The following RBM17 variants were observed in gnomAD, a reference collection of about 807,000 sequenced individuals.
RBM17 encodes the protein splicing factor 45.
In RBM17, 7 loss-of-function variants were observed where a neutral mutation model predicts 53.2. The ratio of observed to expected loss-of-function variants is 0.13; its 90% CI spans 0.07 to 0.25. RBM17 has a LOEUF of 0.25. Ranked by LOEUF, RBM17 falls within the 10% of genes least tolerant of loss-of-function variation. The pLI is 1.00. For missense variants in RBM17, 257 were observed against 496.7 expected, an observed-to-expected ratio of 0.52 and a Z score of 4.59; for synonymous variants, 167 against 178.1, an observed-to-expected ratio of 0.94 and a Z score of 0.50.
Position 6,112,731 on chromosome 10 carries a change from C to G in RBM17, c.856+370C>G, listed in dbSNP as rs546326155. On this transcript the variant is annotated intron_variant, in intron 8 of 11. Transcript: ENST00000379888. This position sits in a 1 kb window ranked among gnomAD's most constrained non-coding sequence, Gnocchi z 4.4. Reference sequence around the variant, plus strand: ...CCATATAGTGTGGCAGTGAATATACCTGCTATCTCCATCTCAGAGGTCGTC... The same window carrying G: ...CCATATAGTGTGGCAGTGAATATACGTGCTATCTCCATCTCAGAGGTCGTC... 6.8e-6 allele frequency: 2 copies of G among 293,248 alleles called. No individual in the cohort carries two copies. Among genetic ancestry groups the G allele is most frequent in the South Asian group, 3.5e-5 (1 of 28,718 alleles). 18.2% of individuals were successfully genotyped at this position (293,248 alleles called of 1,614,324 possible).
chr10:6,108,612 A>T, intron 5 of RBM17, 74 bp from the exon 6 acceptor site: 1 of 1,201,530 alleles, frequency 8.3e-7, no homozygotes, highest in Non-Finnish European at 1.2e-6. Flanking sequence ...GGTGATAGAT[A>T]TATGGTGTGT....
intron 3 of RBM17, 73 bp downstream of exon 3, chr10:6,101,460 T>C: frequency 1.2e-6 from 1 of 800,302 alleles, no homozygotes; most frequent in East Asian, 2.8e-5. Context: ...TATGAGTTAC[T>C]CTTAACAGAT....
Position 6,089,448 on chromosome 10 carries a change from TTCC to T in RBM17, c.-19+270_-19+272del, listed in dbSNP as rs78296807. 71 of 153,292 alleles carry T rather than the reference TTCC, an allele frequency of 4.6e-4. No individual in the cohort carries two copies. Among genetic ancestry groups the T allele is most frequent in the Admixed American group, 7.2e-4 (11 of 15,268 alleles). 9.5% of individuals were successfully genotyped at this position (153,292 alleles called of 1,614,324 possible). A position where few individuals can be genotyped will look rare whatever the true frequency, so the allele number is the denominator to read the frequency against. ...TGGCCCTGACCTTCTCCCTCTTCCC[TTCC>T]TCCTCCTCCTCCTCATGTCTGCCTC... On this transcript the variant is annotated intron_variant, in intron 1 of 11. Coordinates refer to ENST00000379888, the MANE Select transcript of RBM17 (RefSeq NM_032905.5). This position sits in a 1 kb window ranked among gnomAD's most constrained non-coding sequence, Gnocchi z 5.6.
Position 6,115,615 on chromosome 10 carries a change from A to G in RBM17, c.*59A>G. On this transcript the variant is annotated 3_prime_UTR_variant, in exon 12 of 12. Transcript: ENST00000379888. Reference sequence around the variant, plus strand: ...ATCCTTAAATGAACTGCAGGCTGAGAAAAGAAGGAAAAAGGTCACAGCCTC... The same window carrying G: ...ATCCTTAAATGAACTGCAGGCTGAGGAAAGAAGGAAAAAGGTCACAGCCTC... 9.5e-7 allele frequency: 1 copy of G among 1,056,428 alleles called. No individual in the cohort carries two copies. Among genetic ancestry groups the G allele is most frequent in the South Asian group, 1.3e-5 (1 of 78,810 alleles). The allele number at this position is 1,056,428 out of a possible 1,614,324, so 65.4% of individuals were successfully genotyped here.
rs376494989 is a variant in RBM17, at chr10:6,117,208, T to C, written c.*1652T>C. The stretch of plus-strand genomic sequence containing the variant: ...GAGAGTTGCAACCAACTCATACTAC[T>C]TGATTTCCGTTCGCATGAGGACAGC... On this transcript the variant is annotated 3_prime_UTR_variant, in exon 12 of 12. Coordinates refer to ENST00000379888, the MANE Select transcript of RBM17 (RefSeq NM_032905.5). 4 of 152,288 alleles carry C rather than the reference T, an allele frequency of 2.6e-5. No individual in the cohort carries two copies. The East Asian group carries it at 7.5e-4, about 29-fold the overall frequency. The allele number at this position is 152,288 out of a possible 1,614,324, so 9.4% of individuals were successfully genotyped here.
At chr10:6,111,648 T>C (rs1433545427) in intron 7 of RBM17, among the ~76,000 whole-genome samples, 1 of 152,218 alleles carries the variant, frequency 6.6e-6, no homozygotes, top group Non-Finnish European at 1.5e-5. Flanking sequence ...CCTGTACAAA[T>C]AATTTCTAAT....
In RBM17 at chr10:6,117,333, T is replaced by C. The variant is rs1339872815; in HGVS notation, c.*1777T>C. The C allele has an allele frequency of 6.6e-6, 1 of 152,190 alleles. No individual in the cohort carries two copies. The highest frequency in any genetic ancestry group is 1.5e-5 in the Non-Finnish European group (1 of 68,044). The allele number at this position is 152,190 out of a possible 1,614,324, so 9.4% of individuals were successfully genotyped here. On this transcript the variant is annotated 3_prime_UTR_variant, in exon 12 of 12. Transcript: ENST00000379888. ...GAATTTCTGATAGTCGAATAATTTC[T>C]AAATCTCCTGCAAGTTAGTACTTGA...
chr10:6,109,659 C>G (rs1463572052), intron 6 of RBM17, among the ~76,000 whole-genome samples: 1 of 152,180 alleles, frequency 6.6e-6, no homozygotes, highest in Non-Finnish European at 1.5e-5. Flanking sequence ...CAGATTGTAT[C>G]TCCTTAGAAC....
chr10:6,113,685 G>A lies in RBM17; in HGVS notation c.930+104G>A, dbSNP rs190493807. 1.2e-4 allele frequency: 92 copies of A among 788,144 alleles called. No individual in the cohort carries two copies. In the Admixed American group the frequency reaches 1.5e-3, roughly 13 times the overall value. The allele number at this position is 788,144 out of a possible 1,614,324, so 48.8% of individuals were successfully genotyped here. Reference sequence around the variant, plus strand: ...AGTTAAAACTGAAAATGATACTTTTGCAAATAATACTTTGGGCAGATCCCA... The same window carrying A: ...AGTTAAAACTGAAAATGATACTTTTACAAATAATACTTTGGGCAGATCCCA... On this transcript the variant is annotated intron_variant, in intron 9 of 11. Coordinates refer to ENST00000379888, the MANE Select transcript of RBM17 (RefSeq NM_032905.5).
At chr10:6,111,532 G>A (rs1564569671) in intron 7 of RBM17, among the ~76,000 whole-genome samples, 1 of 152,160 alleles carries the variant, frequency 6.6e-6, no homozygotes, top group Non-Finnish European at 1.5e-5. Flanking sequence ...TAGAGATGAG[G>A]TTTCACCATG....
chr10:6,104,718 T>C (rs1215391102), intron 3 of RBM17, among the ~76,000 whole-genome samples: 1 of 152,228 alleles, frequency 6.6e-6, no homozygotes, highest in Non-Finnish European at 1.5e-5. Flanking sequence ...GAAATAGTAC[T>C]AATCTAAGAG....
chr10:6,091,013 T>TATATATTTA lies in RBM17; in HGVS notation c.-19+1820_-19+1821insATATATTTA, dbSNP rs1840473944. Among the ~76,000 whole-genome samples, 12 of 113,878 alleles carry TATATATTTA rather than the reference T, an allele frequency of 1.1e-4. No homozygotes were observed. In the East Asian group the frequency reaches 3.8e-3, roughly 36 times the overall value. 74.7% of individuals were successfully genotyped at this position (113,878 alleles called of 152,430 possible). A position where few individuals can be genotyped will look rare whatever the true frequency, so the allele number is the denominator to read the frequency against. On this transcript the variant is annotated intron_variant, in intron 1 of 11. Transcript: ENST00000379888. Reference sequence around the variant, plus strand: ...TATATGTATATAAATATATAAATATTTATATATTTATATATATTTATATAT... The same window carrying TATATATTTA: ...TATATGTATATAAATATATAAATATTATATATTTATATATATTTATATATATTTATATAT...
At chr10:6,090,514 G>C (rs1397296935) in intron 1 of RBM17, among the ~76,000 whole-genome samples, 1 of 152,200 alleles carries the variant, frequency 6.6e-6, no homozygotes, top group Non-Finnish European at 1.5e-5. Context: ...ACCAAAGGCA[G>C]CCTTTCTGGA....
chr10:6,110,771 C>A (rs868258932), intron 7 of RBM17, among the ~76,000 whole-genome samples: 1 of 152,206 alleles, frequency 6.6e-6, no homozygotes, highest in South Asian at 2.1e-4. Context: ...CTGCTGGCTG[C>A]TGCCTGTAGC....
In RBM17 at chr10:6,097,187, AG is replaced by A; in HGVS notation, c.123+1del. ...AAGAAGGCAGCTCTCACTCAGGCAA[AG>A]GTAAAGACAAGCCCAGAGCATGAGA... ...QVKKAALTQA[K>X]SQRTKQSTVL... On this transcript the variant is annotated frameshift_variant and splice_region_variant, in exon 2 of 12. Coordinates refer to ENST00000379888, the MANE Select transcript of RBM17 (RefSeq NM_032905.5). LOFTEE classifies it high-confidence loss of function. 6.2e-7 allele frequency: 1 copy of A among 1,613,824 alleles called. No homozygotes were observed. The highest frequency in any genetic ancestry group is 8.5e-7 in the Non-Finnish European group (1 of 1,179,826).
intron 3 of RBM17, among the ~76,000 whole-genome samples, chr10:6,103,028 A>G (rs1273143066): frequency 6.6e-6 from 1 of 152,142 alleles, no homozygotes; most frequent in Admixed American, 6.6e-5. Context: ...CTGAGCTCAA[A>G]CGATCCACAT....
intron 1 of RBM17, chr10:6,090,076 T>C (rs751929052): frequency 1.3e-5 from 2 of 152,254 alleles, no homozygotes; most frequent in Non-Finnish European, 2.9e-5. Context: ...AGCTGCAGGT[T>C]AGGCAGAAAG....
chr10:6,095,017 TC>T (rs1421706062), intron 1 of RBM17, among the ~76,000 whole-genome samples: 1 of 152,198 alleles, frequency 6.6e-6, no homozygotes, highest in Admixed American at 6.5e-5. Context: ...ATCAGGGGAT[TC>T]CCTCCAAGAC....
At chr10:6,098,529 A>G (rs1201487151) in intron 2 of RBM17, among the ~76,000 whole-genome samples, 7 of 133,706 alleles carry the variant, frequency 5.2e-5, no homozygotes, top group Admixed American at 1.5e-4. Context: ...CTCTAATTTC[A>G]TGTTTGAAAA....
Sources: gnomAD v4.1 joint callset for allele counts (sites outside exome capture counted in the v4.1 genomes callset) on GRCh38, gnomAD v4.1.1 for gene constraint, Gnocchi (gnomAD v3.1) non-coding constraint, MANE v1.5 for transcripts, NCBI Gene and HGNC (gene_info 2026-07-23, HGNC 2026-07-21) for gene names.